The following PRKDC variants were observed in gnomAD, a reference collection of about 807,000 sequenced individuals.
PRKDC encodes DNA-dependent protein kinase catalytic subunit.
In PRKDC, 82 loss-of-function variants were observed where a neutral mutation model predicts 486.9. The observed-to-expected ratio is 0.17, with a 90% CI of 0.14 to 0.20. The LOEUF (loss-of-function observed/expected upper bound fraction) is 0.20. PRKDC is among the 10% of genes least tolerant of loss of function. The probability of loss-of-function intolerance (pLI) is 1.00; values close to 1 mark genes in which losing one functional copy is unlikely to be tolerated. For synonymous variants in PRKDC, 1,895 were observed against 1,837.0 expected (o/e 1.03, Z -0.81); for missense variants, 4,504 against 5,038.2 (o/e 0.89, Z 3.21).
chr8:47,838,062 G>C lies in PRKDC; in HGVS notation c.7554-643C>G, dbSNP rs527945275. On this transcript the variant is annotated intron_variant, in intron 56 of 85. Coordinates refer to ENST00000314191, the MANE Select transcript of PRKDC (RefSeq NM_006904.7). ...GAGGCAGGAGAATCGCTTGAACCTA[G>C]GAGGCGGAGGTTGCAATGAGCTGAA... Among the ~76,000 whole-genome samples the C allele has an allele frequency of 3.5e-3, 527 of 152,280 alleles. 1 individual carries two copies. The highest frequency in any genetic ancestry group is 5.8e-3 in the Non-Finnish European group (397 of 68,030).
rs766279016 is a variant in PRKDC, at chr8:47,866,156, CAAAAAAA to C, written c.5364-1400_5364-1394del. On this transcript the variant is annotated intron_variant, in intron 40 of 85. Coordinates refer to ENST00000314191, the MANE Select transcript of PRKDC (RefSeq NM_006904.7). ...GGGCAACAATAGAGAAACTCCGTCG[CAAAAAAA>C]AAAAAAAAAAAAAAAAGAGGCCCTA... Among the ~76,000 whole-genome samples the C allele has an allele frequency of 2.0e-3, 107 of 52,330 alleles. 1 individual carries two copies. The highest frequency in any genetic ancestry group is 0.02 in the Admixed American group (100 of 5,060). 34.3% of individuals were successfully genotyped at this position (52,330 alleles called of 152,430 possible). A position where few individuals can be genotyped will look rare whatever the true frequency, so the allele number is the denominator to read the frequency against.
At chr8:47,928,622 G>A (rs891393449) in intron 19 of PRKDC, among the ~76,000 whole-genome samples, 2 of 150,480 alleles carry the variant, frequency 1.3e-5, no homozygotes, top group African/African-American at 2.4e-5. Context: ...GCACTATCTC[G>A]GCTCACTGCA....
chr8:47,917,211 C>G (rs1182926753), intron 22 of PRKDC, among the ~76,000 whole-genome samples: 1 of 152,016 alleles, frequency 6.6e-6, no homozygotes, highest in Non-Finnish European at 1.5e-5. Context: ...GCTGAGATCA[C>G]ACCAATGCAC....
At chr8:47,941,141 A>C (rs187780216) in intron 10 of PRKDC, among the ~76,000 whole-genome samples, 3,753 of 151,974 alleles carry the variant, frequency 0.025, 71 homozygotes, top group Non-Finnish European at 0.037. Context: ...AAAAAAAAAA[A>C]AAACCAAAAA....
intron 69 of PRKDC, among the ~76,000 whole-genome samples, chr8:47,806,167 ATC>A (rs1384635082): frequency 2.0e-5 from 3 of 152,188 alleles, no homozygotes; most frequent in African/African-American, 7.2e-5. Flanking sequence ...CTTTGCTGAC[ATC>A]TCTCTTCTTT....
intron 7 of PRKDC, among the ~76,000 whole-genome samples, chr8:47,950,986 T>TA (rs892497408): frequency 7.9e-5 from 12 of 151,736 alleles, no homozygotes; most frequent in Admixed American, 2.6e-4. Context: ...CTTAAAAAAA[T>TA]AAAAAAAATA....
At chr8:47,957,303 G>A in intron 2 of PRKDC, 40 bp from the exon 3 acceptor site, 1 of 1,579,504 alleles carries the variant, frequency 6.3e-7, no homozygotes, top group Non-Finnish European at 8.7e-7. Context: ...ATGGGTAAGA[G>A]GAGTCACTCC....
Position 47,890,494 on chromosome 8 carries a change from T to A in PRKDC, c.3848-14A>T, listed in dbSNP as rs749113047. On this transcript the variant is annotated splice_polypyrimidine_tract_variant and intron_variant, in intron 31 of 85. Transcript: ENST00000314191. ...GGGCTTCAGTACCTAGAAGCAATTATATTAAAGTATTAATATATGCTTCCT... is the reference window on the plus strand; with the variant it reads ...GGGCTTCAGTACCTAGAAGCAATTAAATTAAAGTATTAATATATGCTTCCT... The A allele has an allele frequency of 2.0e-6, 3 of 1,504,892 alleles. No homozygotes were observed. In the African/African-American group the frequency reaches 4.2e-5, roughly 21 times the overall value. The allele number at this position is 1,504,892 out of a possible 1,614,324, so 93.2% of individuals were successfully genotyped here. A position where few individuals can be genotyped will look rare whatever the true frequency, so the allele number is the denominator to read the frequency against.
intron 68 of PRKDC, among the ~76,000 whole-genome samples, chr8:47,810,815 A>T (rs1254152542): frequency 6.6e-6 from 1 of 152,252 alleles, no homozygotes; most frequent in Non-Finnish European, 1.5e-5. Context: ...GACTTACTAG[A>T]AGAACAAGTA....
rs1189940970 is a variant in PRKDC, at chr8:47,935,892, C to T, written c.1287G>A (p.Glu429=). 2 of 1,611,760 alleles carry T rather than the reference C, an allele frequency of 1.2e-6. No homozygotes were observed. The highest frequency in any genetic ancestry group is 1.1e-5 in the South Asian group (1 of 90,628). Residue 429 remains glutamate, a synonymous_variant, in exon 13 of 86, where the codon GAG becomes GAA. Transcript: ENST00000314191. The part of the protein sequence containing the change: ...SVLLYLDTVP[E]VYTPVLEHLV... ...GGTGCTCCAGAACTGGAGTATACAC[C>T]TCAGGAACCTACCGGAAATAATCAG...
chr8:47,914,833 A>G (rs1310355042), intron 23 of PRKDC, among the ~76,000 whole-genome samples: 1 of 151,994 alleles, frequency 6.6e-6, no homozygotes, highest in Non-Finnish European at 1.5e-5. Context: ...AATTAAAATA[A>G]TAGAGACAGC....
intron 69 of PRKDC, among the ~76,000 whole-genome samples, chr8:47,806,068 C>A (rs534353014): frequency 2.0e-5 from 3 of 152,322 alleles, no homozygotes; most frequent in African/African-American, 7.2e-5. Context: ...TCCTTCCATG[C>A]CCATAAAGCC....
intron 63 of PRKDC, among the ~76,000 whole-genome samples, chr8:47,824,248 C>T (rs1033772416): frequency 6.6e-6 from 1 of 151,922 alleles, no homozygotes; most frequent in Non-Finnish European, 1.5e-5. Flanking sequence ...ACGGGCGTGG[C>T]GGCTCACCTG....
chr8:47,835,620 CAAAAAAAAAAA>C (rs71548446), intron 58 of PRKDC, among the ~76,000 whole-genome samples: 56 of 20,482 alleles, frequency 2.7e-3, no homozygotes, highest in South Asian at 8.3e-3. Flanking sequence ...GACTCTGTCT[CAAAAAAAAAAA>C]AAAAAAAAAA....
chr8:47,794,501 T>C lies in PRKDC; in HGVS notation c.10459A>G (p.Ile3487Val), dbSNP rs764030590. The change falls in exon 74 of 86, where the codon ATC becomes GTC. Residue 3487 changes from isoleucine (I) to valine (V), a missense_variant and splice_region_variant. Physicochemically the swap from Ile to Val is conservative, Grantham distance 29. This residue lies in a region of PRKDC where 706 missense variants were observed against 945.0 expected (regional missense o/e 0.75). Coordinates refer to ENST00000314191, the MANE Select transcript of PRKDC (RefSeq NM_006904.7). The part of the protein sequence containing the change: ...EETLSLMTKE[I>V]SSVPCWQFIS... ...AACTGCCAGCAGGGAACGGAAGAGA[T>C]CTAAAACAGAGAGCTGAAACTTAAT... 1 of 1,598,006 alleles carries C rather than the reference T, an allele frequency of 6.3e-7. No homozygotes were observed. The highest frequency in any genetic ancestry group is 1.3e-5 in the African/African-American group (1 of 74,458).
intron 33 of PRKDC, 59 bp from the exon 34 acceptor site, chr8:47,888,709 T>A (rs1172539529): frequency 8.8e-6 from 13 of 1,482,670 alleles, no homozygotes; most frequent in Admixed American, 2.6e-5. Flanking sequence ...ATTATCAAGA[T>A]ACACTGAAAA....
At chr8:47,908,043 A>G (rs1194984644) in intron 25 of PRKDC, among the ~76,000 whole-genome samples, 1 of 152,186 alleles carries the variant, frequency 6.6e-6, no homozygotes, top group African/African-American at 2.4e-5. Context: ...TCCTGAGCAC[A>G]CTGTTTAAGC....
intron 75 of PRKDC, 35 bp from the exon 76 acceptor site, chr8:47,789,084 A>T: frequency 6.2e-7 from 1 of 1,612,596 alleles, no homozygotes; most frequent in African/African-American, 1.3e-5. Flanking sequence ...AAAAAAATCA[A>T]GCTAGATTGC....
chr8:47,957,223 A>T lies in PRKDC; in HGVS notation c.272T>A (p.Ile91Asn). The part of the protein sequence containing the change: ...CREEILKFLC[I>N]FLEKMGQKIA... ...CTTCTGGCCCATTTTTTCTAAGAAA[A>T]TACATAAAAACTTTAGGATTTCTTC... is the stretch of plus-strand genomic sequence containing the variant. Residue 91 changes from isoleucine to asparagine, a missense_variant, in exon 3 of 86, where the codon ATT (isoleucine) becomes AAT (asparagine). Physicochemically the swap from Ile to Asn is moderately radical, Grantham distance 149. Transcript: ENST00000314191. The T allele has an allele frequency of 1.2e-6, 2 of 1,602,302 alleles. No homozygotes were observed. Among genetic ancestry groups the T allele is most frequent in the Non-Finnish European group, 1.7e-6 (2 of 1,171,554 alleles).
Sources: gnomAD v4.1 joint callset for allele counts (sites outside exome capture counted in the v4.1 genomes callset) on GRCh38, gnomAD v4.1.1 for gene constraint, gnomAD v4.1.1 regional missense constraint, MANE v1.5 for transcripts, NCBI Gene and HGNC (gene_info 2026-07-23, HGNC 2026-07-21) for gene names.